DNER: variants seen among roughly 807,000 people sequenced by gnomAD.
The protein encoded by DNER is delta and Notch-like epidermal growth factor-related receptor.
DNER carries 33 observed loss-of-function variants against 78.2 expected under a neutral mutation model. The ratio of observed to expected loss-of-function variants is 0.42; its 90% CI spans 0.32 to 0.56. DNER has a LOEUF of 0.56. Among genes scored for constraint, DNER ranks in the 20% least tolerant of loss-of-function variants. DNER has a pLI of 0.11. For synonymous variants in DNER, 417 were observed against 384.8 expected, an observed-to-expected ratio of 1.08 and a Z score of -0.98; for missense variants, 918 against 975.3, an observed-to-expected ratio of 0.94 and a Z score of 0.78.
chr2:229,581,095 A>G (rs896012139), intron 4 of DNER, among the ~76,000 whole-genome samples: 1 of 152,126 alleles, frequency 6.6e-6, no homozygotes, highest in African/African-American at 2.4e-5. Context: ...CAACATGGGG[A>G]AAATCCTTAA....
chr2:229,367,215 G>C (rs1350009925), intron 11 of DNER, 96 bp from the exon 12 acceptor site: 2 of 1,509,284 alleles, frequency 1.3e-6, no homozygotes, highest in Non-Finnish European at 1.8e-6. Flanking sequence ...TAAAACCTAA[G>C]GGCCATTCAA....
chr2:229,360,092 T>C (rs550922605), intron 12 of DNER, among the ~76,000 whole-genome samples: 41 of 152,342 alleles, frequency 2.7e-4, no homozygotes, highest in African/African-American at 9.9e-4. Flanking sequence ...AATCTAAGGA[T>C]AGGAAAAGTG....
intron 6 of DNER, among the ~76,000 whole-genome samples, chr2:229,488,226 A>C (rs7583086): frequency 0.12 from 19,029 of 152,280 alleles, 1,334 homozygotes; most frequent in South Asian, 0.2. Context: ...CTCATCTTTC[A>C]TCCTCTTACT....
At chr2:229,388,608 TA>T (rs1274441962) in intron 10 of DNER, among the ~76,000 whole-genome samples, 4 of 53,708 alleles carry the variant, frequency 7.4e-5, no homozygotes, top group African/African-American at 4.0e-4. Context: ...TATATATATA[TA>T]TATATATATA....
chr2:229,564,790 G>C (rs1242166086), intron 4 of DNER, among the ~76,000 whole-genome samples: 1 of 152,034 alleles, frequency 6.6e-6, no homozygotes, highest in Non-Finnish European at 1.5e-5. Context: ...ATGGAGTCCT[G>C]GCTTATTGAG....
At chr2:229,511,003 C>T (rs1210495284) in intron 6 of DNER, among the ~76,000 whole-genome samples, 1 of 152,068 alleles carries the variant, frequency 6.6e-6, no homozygotes, top group Non-Finnish European at 1.5e-5. Context: ...TACACACAGA[C>T]ACACACACAC....
At chr2:229,681,291 T>C (rs1182461161) in intron 1 of DNER, among the ~76,000 whole-genome samples, 1 of 152,162 alleles carries the variant, frequency 6.6e-6, no homozygotes, top group Non-Finnish European at 1.5e-5. Flanking sequence ...TGAGAAACAA[T>C]AGACCACCCC....
rs370199804 is a variant in DNER, at chr2:229,695,406, A to C, written c.276+18742T>G. On this transcript the variant is annotated intron_variant, in intron 1 of 12. Transcript: ENST00000341772. ...ACTTAACTTGAATCTGAATGTCCATAAGAATATATTTATTATAAATCCCCA... is the reference window on the plus strand; with the variant it reads ...ACTTAACTTGAATCTGAATGTCCATCAGAATATATTTATTATAAATCCCCA... 3.3e-5 allele frequency among the ~76,000 whole-genome samples: 5 copies of C among 151,066 alleles called. No homozygotes were observed. In the East Asian group the frequency reaches 9.6e-4, roughly 29 times the overall value.
chr2:229,512,421 C>T (rs1695883043), intron 6 of DNER, among the ~76,000 whole-genome samples: 1 of 151,186 alleles, frequency 6.6e-6, no homozygotes, highest in South Asian at 2.1e-4. Context: ...TCACAGCAAC[C>T]TGGATGGGAC....
At chr2:229,711,886 G>A (rs1045220627) in intron 1 of DNER, among the ~76,000 whole-genome samples, 1 of 149,026 alleles carries the variant, frequency 6.7e-6, no homozygotes, top group East Asian at 2.0e-4. Context: ...CTTCTCTTCT[G>A]AAATTGTCTT....
At chr2:229,414,539 G>C (rs113675701) in intron 9 of DNER, among the ~76,000 whole-genome samples, 3 of 152,138 alleles carry the variant, frequency 2.0e-5, no homozygotes, top group African/African-American at 4.8e-5. Context: ...TTACAGGTGC[G>C]AGCCACCACA....
intron 8 of DNER, among the ~76,000 whole-genome samples, chr2:229,445,226 G>C (rs1304894492): frequency 2.0e-5 from 3 of 152,116 alleles, no homozygotes; most frequent in Non-Finnish European, 4.4e-5. Context: ...GCGCCACACT[G>C]CCTCCTCCCA....
At chr2:229,693,226 G>A (rs1699610141) in intron 1 of DNER, among the ~76,000 whole-genome samples, 1 of 151,532 alleles carries the variant, frequency 6.6e-6, no homozygotes, top group Non-Finnish European at 1.5e-5. Flanking sequence ...ATTTCTCCTT[G>A]ATGCCACCAT....
chr2:229,662,569 T>A (rs79235392), intron 1 of DNER, among the ~76,000 whole-genome samples: 6,843 of 152,212 alleles, frequency 0.045, 330 homozygotes, highest in African/African-American at 0.1. Context: ...TTTCAACCAC[T>A]GCAAGCATGG....
intron 1 of DNER, among the ~76,000 whole-genome samples, chr2:229,604,777 T>G (rs1375142553): frequency 6.6e-6 from 1 of 152,164 alleles, no homozygotes; most frequent in African/African-American, 2.4e-5. Context: ...CAGATAACTC[T>G]AAAGTCTTTG....
intron 4 of DNER, among the ~76,000 whole-genome samples, chr2:229,573,222 T>C (rs901770117): frequency 2.0e-5 from 3 of 152,208 alleles, no homozygotes; most frequent in African/African-American, 7.2e-5. Context: ...AATTACGGCA[T>C]TAAAACAGGA....
chr2:229,498,544 A>T (rs1325213494), intron 6 of DNER, among the ~76,000 whole-genome samples: 1 of 152,226 alleles, frequency 6.6e-6, no homozygotes, highest in Non-Finnish European at 1.5e-5. Context: ...GGACTGCTAC[A>T]ATTAATAAAT....
chr2:229,477,357 A>C, intron 6 of DNER, 104 bp from the exon 7 acceptor site: 1 of 683,772 alleles, frequency 1.5e-6, no homozygotes, highest in South Asian at 2.2e-5. Context: ...CAGTGAAGGC[A>C]GTGGCAGCCT....
At position 229,616,806 on chromosome 2, in the gene DNER, T is replaced by G. The variant is rs1273689417; in HGVS notation, c.277-24918A>C. On this transcript the variant is annotated intron_variant, in intron 1 of 12. Transcript: ENST00000341772. ...CTCTGGGCAAAAGGCTCACATAGGC[T>G]AAGTGAGCATTCCTAATGTATCTTA... is the stretch of plus-strand genomic sequence containing the variant. Among the ~76,000 whole-genome samples, 4 of 152,332 alleles carry G rather than the reference T, an allele frequency of 2.6e-5. No homozygotes were observed. The East Asian group carries it at 7.7e-4, about 29-fold the overall frequency.
Sources: gnomAD v4.1 joint callset for allele counts (sites outside exome capture counted in the v4.1 genomes callset) on GRCh38, gnomAD v4.1.1 for gene constraint, MANE v1.5 for transcripts, NCBI Gene and HGNC (gene_info 2026-07-23, HGNC 2026-07-21) for gene names.